The following UTP20 variants were observed in gnomAD, a reference collection of about 807,000 sequenced individuals.
The protein encoded by UTP20 is UTP20 small subunit processome component.
In UTP20, 164 loss-of-function variants were observed where a neutral mutation model predicts 329.5. The ratio of observed to expected loss-of-function variants is 0.50; its 90% confidence interval spans 0.44 to 0.57. UTP20 has a LOEUF of 0.57. Ranked by LOEUF, UTP20 falls within the 20% of genes least tolerant of loss-of-function variation. The pLI, the probability that UTP20 is intolerant of heterozygous loss-of-function variation, is 0.00. For synonymous variants in UTP20, 1,151 were observed against 1,159.3 expected (o/e 0.99, Z 0.14); for missense variants, 3,055 against 3,284.2 (o/e 0.93, Z 1.71).
In UTP20 at chr12:101,371,141, C is replaced by T. The variant is rs781114725; in HGVS notation, c.6771C>T (p.Ser2257=). The T allele has an allele frequency of 5.0e-6, 8 of 1,613,796 alleles. No individual in the cohort carries two copies. Among genetic ancestry groups the T allele is most frequent in the African/African-American group, 1.3e-5 (1 of 74,910 alleles). The change falls in exon 51 of 62, where the codon AGC becomes AGT. Residue 2257 remains serine, a synonymous_variant. Coordinates refer to ENST00000261637, the MANE Select transcript of UTP20 (RefSeq NM_014503.3). ...KVSKLAVSAQ[S]EPARVQCRQV... ...CCAAGTTGGCAGTCTCTGCACAAAG[C>T]GAACCTGCCAGGGTCCAGTGTAGAC...
chr12:101,296,606 G>T (rs1406396086), intron 12 of UTP20, among the ~76,000 whole-genome samples: 1 of 149,584 alleles, frequency 6.7e-6, no homozygotes, highest in East Asian at 2.0e-4. Context: ...AAATTAGGTG[G>T]GTGTGGTAGC....
In UTP20 at chr12:101,346,574, G is replaced by A. The variant is rs986388533; in HGVS notation, c.4870G>A (p.Glu1624Lys). 2.5e-6 allele frequency: 4 copies of A among 1,599,212 alleles called. No individual in the cohort carries two copies. Among genetic ancestry groups the A allele is most frequent in the African/African-American group, 2.7e-5 (2 of 74,044 alleles). Residue 1624 changes from glutamate to lysine, a missense_variant, in exon 38 of 62, where the codon GAG becomes AAG. This residue lies in a region of UTP20 where 2,445 missense variants were observed against 2,575.5 expected (regional missense o/e 0.95). Transcript: ENST00000261637. Reference protein sequence around the residue: ...MPYAMTPIFDEKMLKHENITT... With the variant: ...MPYAMTPIFDKKMLKHENITT... ...TTATGCCATGACTCCAATTTTTGAT[G>A]AGAAAATGCTCAAGGTAGGTCATTA...
Position 101,311,711 on chromosome 12 carries a change from T to C in UTP20, c.2232-8T>C, listed in dbSNP as rs928414855. 20 of 1,598,208 alleles carry C rather than the reference T, an allele frequency of 1.3e-5. No homozygotes were observed. Among genetic ancestry groups the C allele is most frequent in the Admixed American group, 1.1e-4 (6 of 56,238 alleles). ...ACTTTTTATTTTGTGATTTTTTTTTTCCCTTAGTTCTCATGCACACGAAAT... is the reference window on the plus strand; with the variant it reads ...ACTTTTTATTTTGTGATTTTTTTTTCCCCTTAGTTCTCATGCACACGAAAT... On this transcript the variant is annotated splice_polypyrimidine_tract_variant and splice_region_variant and intron_variant, in intron 19 of 61. Transcript: ENST00000261637.
At chr12:101,288,918 T>C (rs376791850) in intron 5 of UTP20, 42 bp from the exon 6 acceptor site, 48 of 1,527,066 alleles carry the variant, frequency 3.1e-5, no homozygotes, top group South Asian at 4.6e-5. Flanking sequence ...TTTATTACAA[T>C]TATATGATTA....
intron 25 of UTP20, among the ~76,000 whole-genome samples, chr12:101,324,020 C>T (rs1868467289): frequency 6.6e-6 from 1 of 151,802 alleles, no homozygotes. Context: ...GCCTGTAATC[C>T]CAGCGATTTG....
chr12:101,319,684 T>G, intron 23 of UTP20, 49 bp downstream of exon 23: 2 of 1,467,460 alleles, frequency 1.4e-6, no homozygotes, highest in South Asian at 1.3e-5. Context: ...AACTTTTCTC[T>G]ATCATTTTCT....
chr12:101,354,279 A>G (rs112315479), intron 40 of UTP20, among the ~76,000 whole-genome samples: 3 of 133,034 alleles, frequency 2.3e-5, no homozygotes, highest in Admixed American at 1.4e-4. Flanking sequence ...AAAAAAAAAA[A>G]AAAAAGAAAA....
At chr12:101,296,304 G>T (rs1001114991) in intron 12 of UTP20, among the ~76,000 whole-genome samples, 3 of 152,174 alleles carry the variant, frequency 2.0e-5, no homozygotes, top group Admixed American at 2.0e-4. Context: ...AGGCGCGGTG[G>T]CTCACGCCTG....
intron 10 of UTP20, among the ~76,000 whole-genome samples, chr12:101,292,765 C>T (rs374360885): frequency 2.0e-5 from 3 of 152,092 alleles, no homozygotes; most frequent in East Asian, 3.9e-4. Flanking sequence ...TGGGTTTTAT[C>T]CTGCATTAGT....
intron 55 of UTP20, among the ~76,000 whole-genome samples, chr12:101,375,169 C>A (rs906159729): frequency 1.3e-5 from 2 of 151,964 alleles, no homozygotes; most frequent in Non-Finnish European, 2.9e-5. Flanking sequence ...GGCATGGTAG[C>A]GCATGCCTGT....
intron 18 of UTP20, among the ~76,000 whole-genome samples, 156 bp downstream of exon 18, chr12:101,308,499 A>T (rs1298112763): frequency 6.6e-6 from 1 of 152,054 alleles, no homozygotes; most frequent in Non-Finnish European, 1.5e-5. Context: ...GCTTTGAGTT[A>T]AACAGCTCTA....
chr12:101,288,891 T>A (rs1481141081), intron 5 of UTP20, 69 bp from the exon 6 acceptor site: 1 of 1,369,476 alleles, frequency 7.3e-7, no homozygotes, highest in East Asian at 2.5e-5. Context: ...GCCCATATTG[T>A]TGACATGTAG....
chr12:101,368,936 AG>A (rs1359147656), intron 48 of UTP20, among the ~76,000 whole-genome samples: 2 of 152,024 alleles, frequency 1.3e-5, no homozygotes, highest in African/African-American at 4.8e-5. Flanking sequence ...CAGCAGCCAG[AG>A]CAGCACGGGT....
chr12:101,295,273 C>G (rs935950951), intron 11 of UTP20, among the ~76,000 whole-genome samples: 15 of 152,122 alleles, frequency 9.9e-5, no homozygotes, highest in Non-Finnish European at 1.5e-5. Flanking sequence ...TATTAGTAGA[C>G]AGGGTATAGA....
intron 60 of UTP20, among the ~76,000 whole-genome samples, chr12:101,385,095 G>A (rs868531426): frequency 0.011 from 1,131 of 105,084 alleles, 13 homozygotes; most frequent in African/African-American, 0.036. Flanking sequence ...ACACTCCCCC[G>A]CCAAAAAAAA....
chr12:101,298,255 G>T (rs996443180), intron 12 of UTP20, among the ~76,000 whole-genome samples: 71 of 152,216 alleles, frequency 4.7e-4, no homozygotes, highest in African/African-American at 1.7e-3. Flanking sequence ...AAGCAAATAA[G>T]CGAGATGATT....
intron 21 of UTP20, among the ~76,000 whole-genome samples, chr12:101,316,793 A>G (rs1362304480): frequency 6.6e-6 from 1 of 152,246 alleles, no homozygotes; most frequent in Non-Finnish European, 1.5e-5. Context: ...GCATTAAATG[A>G]CAGACTTCAA....
intron 30 of UTP20, 92 bp downstream of exon 30, chr12:101,338,369 C>A: frequency 7.7e-7 from 1 of 1,306,496 alleles, no homozygotes; most frequent in Non-Finnish European, 1.1e-6. Context: ...ATTTGACTCA[C>A]TCGAGAGCAT....
intron 12 of UTP20, among the ~76,000 whole-genome samples, chr12:101,296,726 C>A (rs146429305): frequency 6.6e-6 from 1 of 151,604 alleles, no homozygotes; most frequent in African/African-American, 2.4e-5. Context: ...CCAGCCTGGG[C>A]GACAGAGCAA....
Sources: gnomAD v4.1 joint callset for allele counts (sites outside exome capture counted in the v4.1 genomes callset) on GRCh38, gnomAD v4.1.1 for gene constraint, gnomAD v4.1.1 regional missense constraint, MANE v1.5 for transcripts, NCBI Gene and HGNC (gene_info 2026-07-23, HGNC 2026-07-21) for gene names.